Variants in CLHC1 observed in about 807,000 individuals in gnomAD.
The protein encoded by CLHC1 is clathrin heavy chain linker domain-containing protein 1.
CLHC1 carries 72 observed loss-of-function variants against 69.5 expected under a neutral mutation model. The ratio of observed to expected loss-of-function variants is 1.04; its 90% CI spans 0.86 to 1.26. The LOEUF (loss-of-function observed/expected upper bound fraction) is 1.26, where lower values mean the gene tolerates loss of function less well. CLHC1 is among the 50% of genes most tolerant of loss of function. The pLI is 0.00. For missense variants in CLHC1, 790 were observed against 679.3 expected, an observed-to-expected ratio of 1.16 and a Z score of -1.81; for synonymous variants, 223 against 224.3, an observed-to-expected ratio of 0.99 and a Z score of 0.05.
At chr2:55,222,697 A>C (rs1027104327) in intron 2 of CLHC1, among the ~76,000 whole-genome samples, 2 of 152,048 alleles carry the variant, frequency 1.3e-5, no homozygotes, top group South Asian at 2.1e-4. Flanking sequence ...AGGCAGGTGG[A>C]TCATCTGAGG....
At chr2:55,213,900 A>G (rs1483812146) in intron 4 of CLHC1, among the ~76,000 whole-genome samples, 1 of 152,196 alleles carries the variant, frequency 6.6e-6, no homozygotes. Context: ...GGGTCAGTGG[A>G]TGACAAATTA....
rs1007003037 is a variant in CLHC1 at position 55,206,312 on chromosome 2, T to C, written c.964A>G (p.Arg322Gly). The C allele has an allele frequency of 1.9e-6, 3 of 1,611,418 alleles. No homozygotes were observed. The highest frequency in any genetic ancestry group is 1.7e-4 in the Middle Eastern group (1 of 6,052). The change falls in exon 9 of 13, where the codon AGA becomes GGA. Residue 322 changes from arginine (R) to glycine (G), a missense_variant. By Grantham distance (125) the Arg-to-Gly change is moderately radical (BLOSUM62 -2). Transcript: ENST00000401408. ...KAACYAANSP[R>G]RILRNIGTMN... ...GTACCAATGTTTCGAAGAATTCTTC[T>C]AGGACTGTTTGCTGCATAACAAGCT...
chr2:55,208,929 G>C (rs1672711287), intron 7 of CLHC1, among the ~76,000 whole-genome samples: 1 of 143,668 alleles, frequency 7.0e-6, no homozygotes, highest in Non-Finnish European at 1.5e-5. Flanking sequence ...GGAGTGCAGT[G>C]GCCCTATCTT....
intron 8 of CLHC1, among the ~76,000 whole-genome samples, chr2:55,207,467 T>C (rs1325035037): frequency 6.6e-6 from 1 of 152,186 alleles, no homozygotes; most frequent in Non-Finnish European, 1.5e-5. Context: ...TACAGAAGCA[T>C]TACAGTGTAA....
At chr2:55,212,225 C>G (rs369717853) in intron 5 of CLHC1, among the ~76,000 whole-genome samples, 1 of 151,646 alleles carries the variant, frequency 6.6e-6, no homozygotes, top group Admixed American at 6.6e-5. Context: ...TGCTGTGGGC[C>G]GAGATCACAC....
At chr2:55,195,689 C>G (rs1045603925) in intron 9 of CLHC1, among the ~76,000 whole-genome samples, 3 of 152,140 alleles carry the variant, frequency 2.0e-5, no homozygotes, top group Non-Finnish European at 4.4e-5. Flanking sequence ...GTAATCCCAG[C>G]TATTGGGGAG....
intron 9 of CLHC1, among the ~76,000 whole-genome samples, chr2:55,189,395 C>T (rs1670710271): frequency 6.6e-6 from 1 of 152,174 alleles, no homozygotes; most frequent in Non-Finnish European, 1.5e-5. Flanking sequence ...TAAACTCTTG[C>T]TTCTGGCATG....
intron 11 of CLHC1, among the ~76,000 whole-genome samples, chr2:55,179,071 G>GA (rs1669670474): frequency 0.021 from 2 of 94 alleles, no homozygotes; most frequent in South Asian, 0.5. Context: ...TGGGACTACA[G>GA]ACCCATCCCT....
intron 9 of CLHC1, among the ~76,000 whole-genome samples, chr2:55,184,115 T>TA (rs1221210663): frequency 6.7e-6 from 1 of 149,138 alleles, no homozygotes; most frequent in Non-Finnish European, 1.5e-5. Flanking sequence ...TATTTTTTTT[T>TA]TTTTTTTCGA....
chr2:55,223,776 GCACAC>G (rs1674410155), intron 2 of CLHC1, among the ~76,000 whole-genome samples: 2 of 151,866 alleles, frequency 1.3e-5, no homozygotes, highest in African/African-American at 2.4e-5. Context: ...TCAGGTTCAC[GCACAC>G]CCGCGATCGG....
chr2:55,181,584 C>A lies in CLHC1; in HGVS notation c.1167G>T (p.Trp389Cys), dbSNP rs756652010. The A allele has an allele frequency of 4.4e-6, 7 of 1,607,312 alleles. No individual in the cohort carries two copies. The South Asian group carries it at 6.7e-5, about 15-fold the overall frequency. Residue 389 changes from tryptophan (W) to cysteine (C), a missense_variant, in exon 10 of 13, where the codon TGG (tryptophan) becomes TGT (cysteine). Physicochemically the swap from Trp to Cys is radical, Grantham distance 215 (BLOSUM62 -2). Transcript: ENST00000401408. ...ACTTTGCTTACCTTTCCTGTGTAAC[C>A]CAATTGGTAACTAAATCTAACCGTT... ...SEKRLDLVTNWVTQERLTFSE... is the reference protein window; with the variant it reads ...SEKRLDLVTNCVTQERLTFSE...
chr2:55,217,598 A>G (rs1673700275), intron 4 of CLHC1, among the ~76,000 whole-genome samples: 1 of 136,354 alleles, frequency 7.3e-6, no homozygotes, highest in Admixed American at 7.6e-5. Flanking sequence ...AAGAGGTACT[A>G]TAAACGTTCT....
chr2:55,226,159 T>G (rs1036093723), intron 2 of CLHC1, among the ~76,000 whole-genome samples: 2 of 146,944 alleles, frequency 1.4e-5, no homozygotes, highest in Non-Finnish European at 3.0e-5. Context: ...ACCACTGCAC[T>G]CCAGCCTGGG....
At chr2:55,219,782 G>C (rs1673934904) in intron 3 of CLHC1, among the ~76,000 whole-genome samples, 1 of 152,134 alleles carries the variant, frequency 6.6e-6, no homozygotes, top group Non-Finnish European at 1.5e-5. Context: ...AGGAAGAAGA[G>C]GAATGGTTTC....
At chr2:55,207,418 C>T (rs1270076230) in intron 8 of CLHC1, among the ~76,000 whole-genome samples, 2 of 152,150 alleles carry the variant, frequency 1.3e-5, no homozygotes, top group East Asian at 3.8e-4. Context: ...AACTTTCAAT[C>T]TCAACAAGGG....
At chr2:55,195,600 G>T (rs919783453) in intron 9 of CLHC1, among the ~76,000 whole-genome samples, 2 of 152,032 alleles carry the variant, frequency 1.3e-5, no homozygotes, top group Non-Finnish European at 2.9e-5. Context: ...TCAGGAATTC[G>T]AGACCAGCCT....
chr2:55,193,467 T>C (rs1279743933), intron 9 of CLHC1, among the ~76,000 whole-genome samples: 1 of 151,850 alleles, frequency 6.6e-6, no homozygotes, highest in African/African-American at 2.4e-5. Context: ...AAAAACACAA[T>C]TTACAAATGA....
At position 55,217,905 on chromosome 2, in the gene CLHC1, T is replaced by C; in HGVS notation, c.271A>G (p.Thr91Ala). Reference sequence around the variant, plus strand: ...AGTTTTCCATGAAGACAAAATGTAGTTCTTCGGTCTTTCTTTATTGTCTCA... The same window carrying C: ...AGTTTTCCATGAAGACAAAATGTAGCTCTTCGGTCTTTCTTTATTGTCTCA... ...FIETIKKDRR[T>A]TFCLHGKLKG... The change falls in exon 4 of 13, where the codon ACT becomes GCT. Residue 91 changes from threonine to alanine, a missense_variant. Transcript: ENST00000401408. 4 of 1,603,798 alleles carry C rather than the reference T, an allele frequency of 2.5e-6. No homozygotes were observed. In the South Asian group the frequency reaches 4.5e-5, roughly 18 times the overall value.
chr2:55,192,425 T>A (rs1464904922), intron 9 of CLHC1, among the ~76,000 whole-genome samples: 1 of 152,118 alleles, frequency 6.6e-6, no homozygotes, highest in African/African-American at 2.4e-5. Flanking sequence ...TCAAATTGTA[T>A]TTTTAAAAAG....
Sources: gnomAD v4.1 joint callset for allele counts (sites outside exome capture counted in the v4.1 genomes callset) on GRCh38, gnomAD v4.1.1 for gene constraint, MANE v1.5 for transcripts, NCBI Gene and HGNC (gene_info 2026-07-23, HGNC 2026-07-21) for gene names.